The following GRXCR1 variants were observed in gnomAD, a reference collection of about 807,000 sequenced individuals.
GRXCR1 encodes the protein glutaredoxin and cysteine rich domain containing 1.
A neutral mutation model predicts 27.3 loss-of-function variants in GRXCR1; 27 were observed. The observed-to-expected ratio is 0.99, with a 90% CI of 0.73 to 1.37. The LOEUF (loss-of-function observed/expected upper bound fraction) is 1.37. Ranked by LOEUF, GRXCR1 falls within the 40% of genes most tolerant of loss-of-function variation. The probability of loss-of-function intolerance (pLI) is 0.00; values close to 1 mark genes in which losing one functional copy is unlikely to be tolerated. For synonymous variants in GRXCR1, 122 were observed against 131.1 expected, an observed-to-expected ratio of 0.93 and a Z score of 0.47; for missense variants, 379 against 354.4, an observed-to-expected ratio of 1.07 and a Z score of -0.56.
At chr4:42,951,243 G>C (rs1408356089) in intron 1 of GRXCR1, among the ~76,000 whole-genome samples, 1 of 152,164 alleles carries the variant, frequency 6.6e-6, no homozygotes, top group Non-Finnish European at 1.5e-5. Context: ...TCAACAGATG[G>C]TACGTTGACC....
intron 1 of GRXCR1, 93 bp downstream of exon 1, chr4:42,893,743 T>C: frequency 1.7e-6 from 2 of 1,177,104 alleles, no homozygotes; most frequent in Non-Finnish European, 2.5e-6. Context: ...CCTCTCTTAT[T>C]TGCAACTCCT....
intron 1 of GRXCR1, among the ~76,000 whole-genome samples, chr4:42,940,199 G>A (rs908580570): frequency 1.3e-5 from 2 of 152,050 alleles, no homozygotes; most frequent in Admixed American, 6.6e-5. Flanking sequence ...TCCTAAGACA[G>A]TGGCCCCTTG....
At chr4:42,980,840 T>C (rs903975761) in intron 2 of GRXCR1, among the ~76,000 whole-genome samples, 1 of 152,056 alleles carries the variant, frequency 6.6e-6, no homozygotes, top group Non-Finnish European at 1.5e-5. Context: ...ACATTTATAA[T>C]ATTTTTTGGT....
intron 2 of GRXCR1, among the ~76,000 whole-genome samples, chr4:43,014,942 C>G (rs1712884668): frequency 1.3e-5 from 2 of 152,058 alleles, no homozygotes; most frequent in Non-Finnish European, 2.9e-5. Flanking sequence ...AAAATGTGAT[C>G]TGAGAGCACA....
intron 1 of GRXCR1, among the ~76,000 whole-genome samples, chr4:42,908,275 T>G (rs757412536): frequency 5.9e-5 from 9 of 152,198 alleles, no homozygotes; most frequent in Non-Finnish European, 1.2e-4. Context: ...ACGGTATACA[T>G]GTTATGGTAC....
intron 1 of GRXCR1, among the ~76,000 whole-genome samples, chr4:42,899,134 G>C (rs1746411743): frequency 6.6e-6 from 1 of 152,044 alleles, no homozygotes; most frequent in African/African-American, 2.4e-5. Context: ...TTGAGTTAAT[G>C]AATTAACCCT....
intron 2 of GRXCR1, among the ~76,000 whole-genome samples, chr4:42,994,918 A>T (rs1712095151): frequency 6.6e-6 from 1 of 152,164 alleles, no homozygotes; most frequent in Non-Finnish European, 1.5e-5. Context: ...AACATCAAAA[A>T]TGCTTAATAT....
chr4:43,014,610 C>T (rs911860351), intron 2 of GRXCR1, among the ~76,000 whole-genome samples: 4 of 152,100 alleles, frequency 2.6e-5, no homozygotes, highest in African/African-American at 4.8e-5. Flanking sequence ...CTGAGAGAAG[C>T]GATAGAAGTC....
At chr4:42,998,354 A>T (rs917438436) in intron 2 of GRXCR1, among the ~76,000 whole-genome samples, 3 of 152,222 alleles carry the variant, frequency 2.0e-5, no homozygotes, top group African/African-American at 4.8e-5. Context: ...CTTCTAATCT[A>T]TAAATGGAGA....
chr4:42,981,479 C>T (rs1113221), intron 2 of GRXCR1, among the ~76,000 whole-genome samples: 53,789 of 152,018 alleles, frequency 0.35, 9,701 homozygotes, highest in African/African-American at 0.4. Flanking sequence ...GATGTACAAA[C>T]CACCATTACG....
chr4:42,985,209 A>T (rs1347929037), intron 2 of GRXCR1, among the ~76,000 whole-genome samples: 1 of 152,216 alleles, frequency 6.6e-6, no homozygotes, highest in Non-Finnish European at 1.5e-5. Context: ...ATCACCGGAA[A>T]GTCCTCTTCT....
At chr4:42,897,064 T>C (rs937491172) in intron 1 of GRXCR1, among the ~76,000 whole-genome samples, 1 of 152,142 alleles carries the variant, frequency 6.6e-6, no homozygotes, top group Non-Finnish European at 1.5e-5. Flanking sequence ...ACTGGAAAAT[T>C]TTAAAAATAT....
chr4:42,968,969 T>C (rs1748315812), intron 2 of GRXCR1, among the ~76,000 whole-genome samples: 1 of 152,082 alleles, frequency 6.6e-6, no homozygotes, highest in African/African-American at 2.4e-5. Flanking sequence ...GCCAAGGTGA[T>C]CAAAGCTCAT....
intron 2 of GRXCR1, among the ~76,000 whole-genome samples, chr4:43,009,843 C>T (rs1238799326): frequency 1.3e-5 from 2 of 152,144 alleles, no homozygotes; most frequent in African/African-American, 2.4e-5. Context: ...TACAGCAATA[C>T]ATTTCTCTAT....
chr4:42,917,254 A>G (rs1380256924), intron 1 of GRXCR1, among the ~76,000 whole-genome samples: 1 of 152,132 alleles, frequency 6.6e-6, no homozygotes, highest in Non-Finnish European at 1.5e-5. Flanking sequence ...TGAAAGTAGA[A>G]ATATATGGGA....
chr4:43,012,510 G>A (rs1712791536), intron 2 of GRXCR1, among the ~76,000 whole-genome samples: 1 of 152,058 alleles, frequency 6.6e-6, no homozygotes, highest in Admixed American at 6.6e-5. Context: ...GACAGGAAAT[G>A]TTTGTGTGCT....
intron 3 of GRXCR1, among the ~76,000 whole-genome samples, chr4:43,027,321 G>T (rs919890317): frequency 6.6e-6 from 1 of 152,034 alleles, no homozygotes; most frequent in Non-Finnish European, 1.5e-5. Flanking sequence ...TGGCCTTGTT[G>T]TATTTGTGAT....
At chr4:42,941,475 C>G (rs999297612) in intron 1 of GRXCR1, among the ~76,000 whole-genome samples, 73 of 151,914 alleles carry the variant, frequency 4.8e-4, no homozygotes, top group Admixed American at 4.8e-3. Context: ...TCCCACTATT[C>G]CCTGTTGAAT....
chr4:42,993,241 A>T (rs546369615), intron 2 of GRXCR1, among the ~76,000 whole-genome samples: 1 of 152,250 alleles, frequency 6.6e-6, no homozygotes, highest in East Asian at 1.9e-4. Flanking sequence ...CATCTATAAC[A>T]TCTGAAAAAC....
Sources: allele counts gnomAD v4.1 joint callset (sites outside exome capture counted in the v4.1 genomes callset), GRCh38; gene constraint gnomAD v4.1.1; transcripts MANE v1.5; gene names NCBI Gene and HGNC (gene_info 2026-07-23, HGNC 2026-07-21).